GOPC: variants seen among roughly 807,000 people sequenced by gnomAD.
The protein encoded by GOPC is golgi associated PDZ and coiled-coil motif containing, also known as Golgi-associated PDZ and coiled-coil motif-containing protein.
Under a neutral mutation model 51.2 loss-of-function variants are expected in GOPC, and 32 were observed. That is an observed-to-expected ratio of 0.63 (90% CI 0.47 to 0.84). GOPC has a LOEUF of 0.84. GOPC is among the 40% of genes least tolerant of loss of function. The pLI is 0.00. For missense variants in GOPC, 441 were observed against 555.5 expected (o/e 0.79, Z 2.07); for synonymous variants, 190 against 205.1 (o/e 0.93, Z 0.63).
At position 117,567,373 on chromosome 6, in the gene GOPC, G is replaced by T. The variant is rs1472706174; in HGVS notation, c.1078-339C>A. Among the ~76,000 whole-genome samples the T allele has an allele frequency of 2.0e-5, 3 of 152,082 alleles. No homozygotes were observed. In the East Asian group the frequency reaches 5.8e-4, roughly 29 times the overall value. The stretch of plus-strand genomic sequence containing the variant: ...CAGTTTTAAAGTTATTTGCTACTTT[G>T]TACTGCACACAGCAATTCAGCAAAT... On this transcript the variant is annotated intron_variant, in intron 7 of 8. Coordinates refer to ENST00000368498, the MANE Select transcript of GOPC (RefSeq NM_020399.4).
chr6:117,575,951 A>G (rs1779876208), intron 3 of GOPC, among the ~76,000 whole-genome samples: 1 of 152,144 alleles, frequency 6.6e-6, no homozygotes, highest in African/African-American at 2.4e-5. Context: ...TTTCTATTGT[A>G]TGGGCACTGA....
intron 1 of GOPC, among the ~76,000 whole-genome samples, chr6:117,590,933 A>T (rs59554657): frequency 6.6e-6 from 1 of 152,018 alleles, no homozygotes; most frequent in Admixed American, 6.6e-5. Context: ...GCTCAATGCA[A>T]CCTCCACCTC....
rs201266094 is a variant in GOPC, at chr6:117,566,819, AAT to A, written c.1258+33_1258+34del. The A allele has an allele frequency of 8.8e-4, 1,171 of 1,332,324 alleles. 11 individuals carry two copies. In the African/African-American group the frequency reaches 0.016, roughly 19 times the overall value. 82.5% of individuals were successfully genotyped at this position (1,332,324 alleles called of 1,614,324 possible). A position where few individuals can be genotyped will look rare whatever the true frequency, so the allele number is the denominator to read the frequency against. ...ACATTTTAAACATTTAATAATAATG[AAT>A]ATGTTAATAATAATTTTTAGAGTGA... On this transcript the variant is annotated intron_variant, in intron 8 of 8. Transcript: ENST00000368498.
chr6:117,569,421 G>C, intron 7 of GOPC, 151 bp downstream of exon 7: 6 of 1,082,330 alleles, frequency 5.5e-6, no homozygotes, highest in Non-Finnish European at 7.6e-6. Context: ...AAATCTGACT[G>C]AATGTCAGCT....
intron 1 of GOPC, among the ~76,000 whole-genome samples, chr6:117,599,562 G>A (rs1373678534): frequency 2.0e-5 from 3 of 152,150 alleles, no homozygotes; most frequent in African/African-American, 7.2e-5. Flanking sequence ...GACTGTAACT[G>A]AAAAAACACA....
intron 1 of GOPC, among the ~76,000 whole-genome samples, chr6:117,597,780 C>T (rs1055487002): frequency 1.3e-5 from 2 of 151,964 alleles, no homozygotes; most frequent in Non-Finnish European, 2.9e-5. Context: ...GGGATATATG[C>T]CCCCTAAAAA....
rs536699110 is a variant in GOPC, at chr6:117,598,445, G to T, written c.285+3559C>A. On this transcript the variant is annotated intron_variant, in intron 1 of 8. Coordinates refer to ENST00000368498, the MANE Select transcript of GOPC (RefSeq NM_020399.4). ...AGTGGTTACTGTTAAGTTGGGAAGG[G>T]TGAGGCGGGTAGGAAGATGTTGGTT... is the stretch of plus-strand genomic sequence containing the variant. 8.5e-5 allele frequency among the ~76,000 whole-genome samples: 13 copies of T among 152,252 alleles called. No homozygotes were observed. In the South Asian group the frequency reaches 2.5e-3, roughly 29 times the overall value.
At chr6:117,587,089 G>A (rs937636095) in intron 1 of GOPC, among the ~76,000 whole-genome samples, 5 of 152,130 alleles carry the variant, frequency 3.3e-5, no homozygotes, top group Admixed American at 3.3e-4. Flanking sequence ...CCTCAAGATA[G>A]GAAATAATAC....
rs142084786 is a variant in GOPC at position 117,560,672 on chromosome 6, C to A, written c.*2582G>T. ...ATTTATTTTAACAATAGTCTCACCA[C>A]CAAAATGTTGCTTTTCCATCATATT... is the stretch of plus-strand genomic sequence containing the variant. On this transcript the variant is annotated 3_prime_UTR_variant, in exon 9 of 9. Coordinates refer to ENST00000368498, the MANE Select transcript of GOPC (RefSeq NM_020399.4). The A allele has an allele frequency of 1.4e-4, 28 of 196,666 alleles. No individual in the cohort carries two copies. The East Asian group carries it at 2.1e-3, about 15-fold the overall frequency. The allele number at this position is 196,666 out of a possible 1,614,324, so 12.2% of individuals were successfully genotyped here.
chr6:117,601,406 A>G (rs1394473650), intron 1 of GOPC, among the ~76,000 whole-genome samples: 1 of 152,220 alleles, frequency 6.6e-6, no homozygotes, highest in Non-Finnish European at 1.5e-5. Context: ...AGTAATTTCA[A>G]TAATTGCAGG....
chr6:117,575,577 G>A (rs1344443815), intron 3 of GOPC: 2 of 715,316 alleles, frequency 2.8e-6, no homozygotes, highest in Non-Finnish European at 5.1e-6. Context: ...ATGGAGTATA[G>A]TAAGAAAAGT....
chr6:117,575,111 A>G, intron 4 of GOPC, 66 bp downstream of exon 4: 1 of 1,216,946 alleles, frequency 8.2e-7, no homozygotes, highest in Non-Finnish European at 1.2e-6. Context: ...GAAAGAAGTA[A>G]GAGTCAACCT....
At chr6:117,573,393 AAAG>A in intron 5 of GOPC, 71 bp downstream of exon 5, 1 of 1,489,210 alleles carries the variant, frequency 6.7e-7, no homozygotes, top group South Asian at 1.3e-5. Context: ...AGAATAAAGG[AAAG>A]AATGGAAAGC....
intron 1 of GOPC, among the ~76,000 whole-genome samples, chr6:117,584,271 T>C (rs539071914): frequency 6.6e-6 from 1 of 152,290 alleles, no homozygotes; most frequent in South Asian, 2.1e-4. Flanking sequence ...TGTCCTCCAA[T>C]TCAATTTTGA....
intron 3 of GOPC, 138 bp from the exon 4 acceptor site, chr6:117,575,490 A>G: frequency 1.3e-6 from 1 of 793,934 alleles, no homozygotes; most frequent in South Asian, 1.4e-5. Context: ...ATCTGGATGT[A>G]GTTCTTTTGA....
intron 1 of GOPC, among the ~76,000 whole-genome samples, chr6:117,600,005 T>C (rs1397556361): frequency 6.6e-6 from 1 of 152,226 alleles, no homozygotes. Flanking sequence ...GATATGAAAT[T>C]TCTCGTGTGA....
At chr6:117,601,131 C>T (rs752673246) in intron 1 of GOPC, among the ~76,000 whole-genome samples, 14 of 152,126 alleles carry the variant, frequency 9.2e-5, no homozygotes, top group Non-Finnish European at 1.6e-4. Context: ...AAAAGAAAGA[C>T]CCATTCTCTT....
At chr6:117,577,247 C>T (rs982170367) in intron 3 of GOPC, among the ~76,000 whole-genome samples, 2 of 151,898 alleles carry the variant, frequency 1.3e-5, no homozygotes, top group Non-Finnish European at 2.9e-5. Flanking sequence ...AAATCACTAA[C>T]AAAAGAAAAA....
At chr6:117,588,424 C>T (rs1213554265) in intron 1 of GOPC, among the ~76,000 whole-genome samples, 2 of 151,838 alleles carry the variant, frequency 1.3e-5, no homozygotes, top group African/African-American at 2.4e-5. Flanking sequence ...TACCACTGCC[C>T]GCCACCACGC....
Sources: gnomAD v4.1 joint callset for allele counts (sites outside exome capture counted in the v4.1 genomes callset) on GRCh38, gnomAD v4.1.1 for gene constraint, MANE v1.5 for transcripts, NCBI Gene and HGNC (gene_info 2026-07-23, HGNC 2026-07-21) for gene names.